Variants in SOX5 observed in about 807,000 individuals in gnomAD.
SOX5 encodes SRY-box transcription factor 5, also known as transcription factor SOX-5.
Under a neutral mutation model 92.0 loss-of-function variants are expected in SOX5, and 9 were observed. That is an observed-to-expected ratio of 0.10 (90% confidence interval 0.06 to 0.17). The LOEUF is 0.17. Among genes scored for constraint, SOX5 ranks in the 10% least tolerant of loss-of-function variants. The pLI is 1.00. For missense variants in SOX5, 642 were observed against 944.5 expected (o/e 0.68, Z 4.20); for synonymous variants, 344 against 336.3 (o/e 1.02, Z -0.25).
chr12:23,993,218 A>G (rs1950722633), intron 4 of SOX5, among the ~76,000 whole-genome samples: 1 of 152,182 alleles, frequency 6.6e-6, no homozygotes, highest in South Asian at 2.1e-4. Flanking sequence ...GAAACACACA[A>G]TTTCAGCTTT....
At chr12:23,922,076 G>T (rs1379632676) in intron 1 of SOX5, among the ~76,000 whole-genome samples, 2 of 152,042 alleles carry the variant, frequency 1.3e-5, no homozygotes, top group Non-Finnish European at 2.9e-5. Flanking sequence ...TCCCCCCCTG[G>T]GCTCCCACTT....
At chr12:24,429,103 G>A (rs936845508) in intron 1 of SOX5, among the ~76,000 whole-genome samples, 2 of 152,084 alleles carry the variant, frequency 1.3e-5, no homozygotes, top group Non-Finnish European at 2.9e-5. Context: ...GGATCACAAG[G>A]TCAGGAGATC....
chr12:23,599,931 G>T (rs1212461086), intron 9 of SOX5, among the ~76,000 whole-genome samples: 1 of 152,100 alleles, frequency 6.6e-6, no homozygotes, highest in Non-Finnish European at 1.5e-5. Flanking sequence ...TCTCTTAAAA[G>T]ACTACATGAA....
chr12:23,933,998 C>T (rs929235058), intron 1 of SOX5, among the ~76,000 whole-genome samples: 1 of 151,532 alleles, frequency 6.6e-6, no homozygotes, highest in African/African-American at 2.4e-5. Flanking sequence ...ACATACCTGG[C>T]AAACATTAGT....
chr12:24,433,640 G>T (rs1938814925), intron 1 of SOX5, among the ~76,000 whole-genome samples: 1 of 152,186 alleles, frequency 6.6e-6, no homozygotes, highest in Non-Finnish European at 1.5e-5. Flanking sequence ...TGAAAACACA[G>T]CAGCACTCCT....
intron 4 of SOX5, among the ~76,000 whole-genome samples, chr12:23,961,047 C>T (rs1946871759): frequency 1.3e-5 from 2 of 152,140 alleles, no homozygotes; most frequent in Non-Finnish European, 2.9e-5. Context: ...GGTTGCCTAT[C>T]AACTATACAT....
intron 1 of SOX5, among the ~76,000 whole-genome samples, chr12:24,458,252 A>G: frequency 6.6e-6 from 1 of 152,160 alleles, no homozygotes; most frequent in East Asian, 1.9e-4. Flanking sequence ...TTATTTGTGG[A>G]CTAATATTTG....
At chr12:23,807,110 C>T (rs2095793372) in intron 3 of SOX5, among the ~76,000 whole-genome samples, 1 of 149,292 alleles carries the variant, frequency 6.7e-6, no homozygotes, top group South Asian at 2.1e-4. Context: ...TCTTCTTTTA[C>T]ACACCAATAT....
intron 4 of SOX5, among the ~76,000 whole-genome samples, chr12:23,977,750 C>A (rs1949076053): frequency 1.3e-5 from 2 of 151,542 alleles, no homozygotes; most frequent in Admixed American, 6.6e-5. Flanking sequence ...CTAAGACACC[C>A]TTGTACCTAA....
intron 4 of SOX5, among the ~76,000 whole-genome samples, chr12:24,205,991 C>T (rs1957982462): frequency 6.6e-6 from 1 of 152,214 alleles, no homozygotes. Flanking sequence ...CAGCTTGCTA[C>T]ATTTCCATAA....
intron 4 of SOX5, among the ~76,000 whole-genome samples, chr12:24,080,265 C>T (rs1569536223): frequency 1.3e-5 from 2 of 151,918 alleles, no homozygotes; most frequent in African/African-American, 4.8e-5. Context: ...GACACAAAAA[C>T]ATGTGAACAC....
chr12:23,690,156 C>T (rs984490647), intron 6 of SOX5, among the ~76,000 whole-genome samples: 42 of 152,232 alleles, frequency 2.8e-4, no homozygotes, highest in African/African-American at 9.4e-4. Flanking sequence ...TTATTCATGC[C>T]CCTTGTCTCT....
intron 4 of SOX5, among the ~76,000 whole-genome samples, chr12:24,065,654 AAAAAAAAAAAAAG>A (rs1248523154): frequency 0.12 from 18,360 of 149,672 alleles, 1,557 homozygotes; most frequent in Non-Finnish European, 0.19. Context: ...TCAAAAAAAA[AAAAAAAAAAAAAG>A]AAAAGAAAAA....
intron 3 of SOX5, among the ~76,000 whole-genome samples, chr12:24,243,026 A>T (rs368023204): frequency 6.6e-6 from 1 of 152,296 alleles, no homozygotes; most frequent in East Asian, 1.9e-4. Context: ...TATACATAGC[A>T]AGAGGATATT....
At chr12:24,435,352 C>T (rs192402480) in intron 1 of SOX5, among the ~76,000 whole-genome samples, 13 of 152,272 alleles carry the variant, frequency 8.5e-5, no homozygotes, top group Non-Finnish European at 1.9e-4. Context: ...TCTGCACTTC[C>T]TAGTACATGA....
At chr12:24,103,753 A>G (rs1270412876) in intron 4 of SOX5, among the ~76,000 whole-genome samples, 4 of 152,254 alleles carry the variant, frequency 2.6e-5, no homozygotes, top group African/African-American at 9.6e-5. Context: ...TTTTGTATCA[A>G]AATCATGTTC....
At chr12:24,064,087 C>T (rs963651612) in intron 4 of SOX5, among the ~76,000 whole-genome samples, 6 of 152,150 alleles carry the variant, frequency 3.9e-5, no homozygotes, top group Non-Finnish European at 5.9e-5. Context: ...ATGCTTAACA[C>T]GGGACCTAAA....
At chr12:24,136,627 G>A (rs571404288) in intron 4 of SOX5, among the ~76,000 whole-genome samples, 3 of 152,300 alleles carry the variant, frequency 2.0e-5, no homozygotes, top group Non-Finnish European at 4.4e-5. Flanking sequence ...GTAGCAGTGA[G>A]GGGGAAGGTG....
At chr12:24,440,772 G>A (rs958139732) in intron 1 of SOX5, among the ~76,000 whole-genome samples, 1 of 152,132 alleles carries the variant, frequency 6.6e-6, no homozygotes, top group Admixed American at 6.5e-5. Flanking sequence ...GTGAGGCAAA[G>A]GGAGACAAAC....
Sources: gnomAD v4.1 joint callset for allele counts (sites outside exome capture counted in the v4.1 genomes callset) on GRCh38, gnomAD v4.1.1 for gene constraint, MANE v1.5 for transcripts, NCBI Gene and HGNC (gene_info 2026-07-23, HGNC 2026-07-21) for gene names.